The following SLC16A9 variants were observed in gnomAD, a reference collection of about 807,000 sequenced individuals.
SLC16A9 encodes monocarboxylate transporter 9.
In SLC16A9, 26 loss-of-function variants were observed where a neutral mutation model predicts 44.3. The ratio of observed to expected loss-of-function variants is 0.59; its 90% CI spans 0.43 to 0.81. SLC16A9 has a LOEUF of 0.81. Among genes scored for constraint, SLC16A9 ranks in the 40% least tolerant of loss-of-function variants. SLC16A9 has a pLI of 0.00. For synonymous variants in SLC16A9, 230 were observed against 225.1 expected (o/e 1.02, Z -0.19); for missense variants, 559 against 595.8 (o/e 0.94, Z 0.64).
chr10:59,672,691 C>T, intron 3 of SLC16A9, 79 bp downstream of exon 3: 1 of 1,363,866 alleles, frequency 7.3e-7, no homozygotes, highest in Non-Finnish European at 1.0e-6. Flanking sequence ...TTTACATTAA[C>T]TGGATCATAA....
At chr10:59,674,747 A>G (rs1331622253) in intron 2 of SLC16A9, among the ~76,000 whole-genome samples, 1 of 152,238 alleles carries the variant, frequency 6.6e-6, no homozygotes, top group Non-Finnish European at 1.5e-5. Context: ...TGAAACACAC[A>G]GAGATTATTC....
At chr10:59,693,757 C>T (rs929465239) in intron 1 of SLC16A9, among the ~76,000 whole-genome samples, 74 of 151,004 alleles carry the variant, frequency 4.9e-4, no homozygotes, top group Non-Finnish European at 1.8e-4. Flanking sequence ...GTAGCTGGGG[C>T]TACAGGCGCC....
chr10:59,666,110 A>T (rs1035712888), intron 3 of SLC16A9, among the ~76,000 whole-genome samples: 1 of 152,254 alleles, frequency 6.6e-6, no homozygotes, highest in East Asian at 1.9e-4. Context: ...AGCCTGGCCA[A>T]CATGGCGAAA....
chr10:59,656,128 G>T (rs550853074), intron 4 of SLC16A9, among the ~76,000 whole-genome samples: 2 of 152,248 alleles, frequency 1.3e-5, no homozygotes, highest in Non-Finnish European at 2.9e-5. Flanking sequence ...GTATCTCTTT[G>T]CTAACTACTG....
At chr10:59,655,345 T>C (rs1347090526) in intron 4 of SLC16A9, among the ~76,000 whole-genome samples, 1 of 152,170 alleles carries the variant, frequency 6.6e-6, no homozygotes, top group Admixed American at 6.5e-5. Flanking sequence ...CATGAAACTA[T>C]TTTCTTTGCA....
intron 2 of SLC16A9, among the ~76,000 whole-genome samples, chr10:59,681,058 G>A (rs556268588): frequency 6.6e-5 from 10 of 151,980 alleles, no homozygotes; most frequent in African/African-American, 1.4e-4. Flanking sequence ...GACTGTCTGC[G>A]TGTCAAATCC....
chr10:59,656,887 G>T (rs945444641), intron 4 of SLC16A9, among the ~76,000 whole-genome samples: 2 of 152,158 alleles, frequency 1.3e-5, no homozygotes, highest in Admixed American at 1.3e-4. Flanking sequence ...ATGCTTCCAT[G>T]CATGTTATAC....
At chr10:59,679,664 C>T (rs1171600) in intron 2 of SLC16A9, among the ~76,000 whole-genome samples, 22 of 151,950 alleles carry the variant, frequency 1.4e-4, no homozygotes, top group Admixed American at 1.4e-3. Flanking sequence ...AAATAACTTC[C>T]CAGCAACACC....
At chr10:59,690,193 G>GA (rs973653966) in intron 1 of SLC16A9, among the ~76,000 whole-genome samples, 7 of 151,174 alleles carry the variant, frequency 4.6e-5, no homozygotes, top group African/African-American at 9.7e-5. Context: ...GTCTCAAAAA[G>GA]AAAAAAAAGA....
chr10:59,681,487 TATATG>T lies in SLC16A9; in HGVS notation c.196+2604_196+2608del, dbSNP rs1362309214. On this transcript the variant is annotated intron_variant, in intron 2 of 5. Coordinates refer to ENST00000395348, the MANE Select transcript of SLC16A9 (RefSeq NM_194298.3). ...GTGTATGTATATGTATATGTATATGTATATGTATATGTATATGTATATGATGTATA... is the reference window on the plus strand; with the variant it reads ...GTGTATGTATATGTATATGTATATGTTATATGTATATGTATATGATGTATA... 3.1e-4 allele frequency among the ~76,000 whole-genome samples: 6 copies of T among 19,458 alleles called. 2 individuals are homozygous for T. The highest frequency in any genetic ancestry group is 5.5e-4 in the African/African-American group (6 of 10,954). The allele number at this position is 19,458 out of a possible 152,430, so 12.8% of individuals were successfully genotyped here. A position where few individuals can be genotyped will look rare whatever the true frequency, so the allele number is the denominator to read the frequency against.
intron 1 of SLC16A9, among the ~76,000 whole-genome samples, chr10:59,684,662 G>T (rs1308448741): frequency 6.6e-6 from 1 of 151,972 alleles, no homozygotes; most frequent in Non-Finnish European, 1.5e-5. Flanking sequence ...TAGTTTCTTG[G>T]GTTCCCTAGG....
intron 4 of SLC16A9, among the ~76,000 whole-genome samples, chr10:59,659,902 T>C (rs1839432531): frequency 6.6e-6 from 1 of 152,160 alleles, no homozygotes; most frequent in Non-Finnish European, 1.5e-5. Flanking sequence ...GAATGACTAC[T>C]GAGTAAATAA....
chr10:59,655,904 C>G (rs1839339954), intron 4 of SLC16A9, among the ~76,000 whole-genome samples: 1 of 152,186 alleles, frequency 6.6e-6, no homozygotes, highest in African/African-American at 2.4e-5. Context: ...GCTATAAAAA[C>G]CCATCTAATA....
In SLC16A9 at chr10:59,652,624, T is replaced by TA. The variant is rs148583829; in HGVS notation, c.*147dup. On this transcript the variant is annotated 3_prime_UTR_variant, in exon 6 of 6. Transcript: ENST00000395348. ...TACACTACATAAAAAATAGGATATA[T>TA]AAAAAAAAATAATTCATTCAGAGTC... is the stretch of plus-strand genomic sequence containing the variant. 6,612 of 661,188 alleles carry TA rather than the reference T, an allele frequency of 0.01. 248 individuals carry two copies. The African/African-American group carries it at 0.1, about 10-fold the overall frequency. 41.0% of individuals were successfully genotyped at this position (661,188 alleles called of 1,614,324 possible).
intron 4 of SLC16A9, among the ~76,000 whole-genome samples, chr10:59,655,029 G>A (rs960655351): frequency 6.6e-6 from 1 of 152,082 alleles, no homozygotes; most frequent in African/African-American, 2.4e-5. Context: ...TGGTGGCTCA[G>A]GCCTGTAATC....
Position 59,681,698 on chromosome 10 carries a change from A to G in SLC16A9, c.196+2398T>C, listed in dbSNP as rs28380022. Among the ~76,000 whole-genome samples the G allele has an allele frequency of 4.8e-3, 126 of 26,030 alleles. 52 individuals are homozygous for G. The highest frequency in any genetic ancestry group is 6.2e-3 in the Non-Finnish European group (90 of 14,454). 17.1% of individuals were successfully genotyped at this position (26,030 alleles called of 152,430 possible). A position where few individuals can be genotyped will look rare whatever the true frequency, so the allele number is the denominator to read the frequency against. Reference sequence around the variant, plus strand: ...TATATGTATATGTATATGTATATATATATGTATATGTATATGTATATGATG... The same window carrying G: ...TATATGTATATGTATATGTATATATGTATGTATATGTATATGTATATGATG... On this transcript the variant is annotated intron_variant, in intron 2 of 5. Transcript: ENST00000395348.
At chr10:59,697,962 T>TAAAAAAAA (rs34931109) in intron 1 of SLC16A9, among the ~76,000 whole-genome samples, 2 of 136,060 alleles carry the variant, frequency 1.5e-5, no homozygotes, top group African/African-American at 2.7e-5. Context: ...GGGCACACAG[T>TAAAAAAAA]AAAAAAAAAA....
chr10:59,664,211 C>A lies in SLC16A9; in HGVS notation c.436+16G>T, dbSNP rs962938493. On this transcript the variant is annotated intron_variant, in intron 4 of 5. Transcript: ENST00000395348. ...GACTGAATGGTGACAATACTGTACT[C>A]ATTTTGAAAATATACCTGTTGAAAT... 2 of 1,580,346 alleles carry A rather than the reference C, an allele frequency of 1.3e-6. No individual in the cohort carries two copies. Among genetic ancestry groups the A allele is most frequent in the South Asian group, 1.1e-5 (1 of 89,574 alleles).
At chr10:59,693,743 C>A (rs1840304749) in intron 1 of SLC16A9, among the ~76,000 whole-genome samples, 1 of 151,068 alleles carries the variant, frequency 6.6e-6, no homozygotes, top group Admixed American at 6.6e-5. Context: ...CCGCAGCCTC[C>A]CAAGTAGCTG....
Sources: gnomAD v4.1 joint callset for allele counts (sites outside exome capture counted in the v4.1 genomes callset) on GRCh38, gnomAD v4.1.1 for gene constraint, MANE v1.5 for transcripts, NCBI Gene and HGNC (gene_info 2026-07-23, HGNC 2026-07-21) for gene names.